Variants in LRRC27 observed in about 807,000 individuals in gnomAD.
LRRC27 encodes leucine-rich repeat-containing protein 27.
A neutral mutation model predicts 55.0 loss-of-function variants in LRRC27; 57 were observed. That is an observed-to-expected ratio of 1.04 (90% CI 0.84 to 1.29). The LOEUF is 1.29. LRRC27 is among the 50% of genes most tolerant of loss of function. The pLI, the probability that LRRC27 is intolerant of heterozygous loss-of-function variation, is 0.00. For missense variants in LRRC27, 721 were observed against 651.5 expected, an observed-to-expected ratio of 1.11 and a Z score of -1.16; for synonymous variants, 278 against 251.9, an observed-to-expected ratio of 1.10 and a Z score of -0.98.
At chr10:132,359,529 CGGGCTGGGCT>C (rs779783260) in intron 8 of LRRC27, among the ~76,000 whole-genome samples, 1 of 152,122 alleles carries the variant, frequency 6.6e-6, no homozygotes, top group Non-Finnish European at 1.5e-5. Context: ...GTGGCACCCA[CGGGCTGGGCT>C]GGGCTGGGCG....
intron 8 of LRRC27, among the ~76,000 whole-genome samples, chr10:132,359,614 G>A (rs2068514946): frequency 6.6e-6 from 1 of 152,260 alleles, no homozygotes; most frequent in South Asian, 2.1e-4. Context: ...AGCCCTGCAT[G>A]TGCTTCTGCT....
chr10:132,353,355 C>A (rs1432547192), intron 7 of LRRC27: 3 of 1,081,700 alleles, frequency 2.8e-6, no homozygotes, highest in Non-Finnish European at 3.4e-6. Flanking sequence ...CCCTGTGGCT[C>A]ACCTGCTCCC....
At chr10:132,336,697 C>A in intron 2 of LRRC27, 3 of 707,682 alleles carry the variant, frequency 4.2e-6, no homozygotes, top group South Asian at 3.1e-5. Flanking sequence ...GGAACTTGCT[C>A]AAGGTCACAC....
In LRRC27 at chr10:132,361,543, A is replaced by G. The variant is rs2068615116; in HGVS notation, c.1257A>G (p.Lys419=). ...LNPPGKMKPS[K]EKSPQASKEM... is the part of the protein sequence containing the mutation. ...CGCCTGGAAAAATGAAACCAAGCAA[A>G]GAGAAATCGCCACAAGCAAGTAAAG... is the stretch of plus-strand genomic sequence containing the variant. Residue 419 remains lysine (K), a synonymous_variant, in exon 9 of 11, where the codon AAA becomes AAG. Transcript: ENST00000368614. 6.2e-7 allele frequency: 1 copy of G among 1,613,860 alleles called. No homozygotes were observed. The highest frequency in any genetic ancestry group is 8.5e-7 in the Non-Finnish European group (1 of 1,179,914).
intron 2 of LRRC27, among the ~76,000 whole-genome samples, chr10:132,334,867 T>G (rs2067038220): frequency 6.6e-6 from 1 of 152,234 alleles, no homozygotes; most frequent in South Asian, 2.1e-4. Flanking sequence ...ATGAAGAAAC[T>G]TGATAACTGT....
intron 7 of LRRC27, chr10:132,353,295 C>T: frequency 1.7e-6 from 2 of 1,180,096 alleles, no homozygotes; most frequent in South Asian, 2.0e-5. Context: ...CTGGTCTGTC[C>T]TGTGGGCGGC....
chr10:132,331,873 GCAGGCGC>G, upstream of LRRC27: 1 of 1,257,982 alleles, frequency 7.9e-7, no homozygotes, highest in East Asian at 2.5e-5. Flanking sequence ...GCGTGCGTGC[GCAGGCGC>G]ACCACCCCCT....
At chr10:132,340,820 A>G (rs1168283225) in intron 3 of LRRC27, among the ~76,000 whole-genome samples, 2 of 151,570 alleles carry the variant, frequency 1.3e-5, no homozygotes, top group Non-Finnish European at 2.9e-5. Flanking sequence ...AAAGTACAAA[A>G]AAATTAGCCA....
At position 132,375,293 on chromosome 10, in the gene LRRC27, C is replaced by A; in HGVS notation, c.*51C>A. 1.3e-6 allele frequency: 2 copies of A among 1,545,978 alleles called. No homozygotes were observed. The highest frequency in any genetic ancestry group is 2.4e-5 in the South Asian group (2 of 84,028). The stretch of plus-strand genomic sequence containing the variant: ...CGTCTTCAGACAGGAGCCGCTCAGT[C>A]TTCTTTCCCGGGCGTCGCCTCCTGT... On this transcript the variant is annotated 3_prime_UTR_variant, in exon 11 of 11. Coordinates refer to ENST00000368614, the MANE Select transcript of LRRC27 (RefSeq NM_030626.3).
At chr10:132,341,670 C>T (rs959683949) in intron 3 of LRRC27, among the ~76,000 whole-genome samples, 9 of 152,118 alleles carry the variant, frequency 5.9e-5, no homozygotes, top group African/African-American at 2.2e-4. Context: ...AATCATTCAT[C>T]TCCAAGCAGG....
At chr10:132,331,380 C>T (rs1447546488), upstream of LRRC27, 11 of 1,538,216 alleles carry the variant, frequency 7.2e-6, no homozygotes, top group Admixed American at 2.0e-4. Context: ...TCCCCTCCCG[C>T]CCGGTGTCAT....
At chr10:132,345,769 G>C (rs1359212255) in intron 5 of LRRC27, among the ~76,000 whole-genome samples, 1 of 152,114 alleles carries the variant, frequency 6.6e-6, no homozygotes, top group African/African-American at 2.4e-5. Flanking sequence ...GGCACAGCCG[G>C]AGCCAGGACA....
intron 8 of LRRC27, among the ~76,000 whole-genome samples, chr10:132,358,537 T>C (rs1330312615): frequency 1.2e-4 from 3 of 25,244 alleles, no homozygotes; most frequent in Admixed American, 5.1e-4. Context: ...GGTGGAGCAG[T>C]GTGGGGAGGA....
rs2069291328 is a variant in LRRC27 at position 132,374,246 on chromosome 10, G to A, written c.1417-820G>A. Among the ~76,000 whole-genome samples the A allele has an allele frequency of 6.6e-6, 1 of 152,062 alleles. No individual in the cohort carries two copies. Among genetic ancestry groups the A allele is most frequent in the South Asian group, 2.1e-4 (1 of 4,810 alleles). On this transcript the variant is annotated intron_variant, in intron 10 of 10. Coordinates refer to ENST00000368614, the MANE Select transcript of LRRC27 (RefSeq NM_030626.3). This position sits in a 1 kb window ranked among gnomAD's most constrained non-coding sequence, Gnocchi z 4.4. Reference sequence around the variant, plus strand: ...TGCTGTGATTATGTCTGTATGGGGCGGGGAGGCTGCAGGGGTCTCCTGGGA... The same window carrying A: ...TGCTGTGATTATGTCTGTATGGGGCAGGGAGGCTGCAGGGGTCTCCTGGGA...
In LRRC27 at chr10:132,348,428, A is replaced by T; in HGVS notation, c.926+72A>T. 1 of 1,545,492 alleles carries T rather than the reference A, an allele frequency of 6.5e-7. No individual in the cohort carries two copies. On this transcript the variant is annotated intron_variant, in intron 6 of 10. Transcript: ENST00000368614. This position sits in a 1 kb window ranked among gnomAD's most constrained non-coding sequence, Gnocchi z 4.2. ...ATACAGTTATTTTAAATTATCTTTG[A>T]AAACATCAGGTCCAGCTTTTAAAGT...
rs921287180 is a variant in LRRC27 at position 132,374,908 on chromosome 10, C to T, written c.1417-158C>T. On this transcript the variant is annotated intron_variant, in intron 10 of 10. Coordinates refer to ENST00000368614, the MANE Select transcript of LRRC27 (RefSeq NM_030626.3). The surrounding 1 kb of genome is among the most constrained non-coding windows in gnomAD (Gnocchi z 4.4). Reference sequence around the variant, plus strand: ...TGCTGGGCCCCATTGCAGGGGGGACCGCGCCGTGATGCGGCTTGCAGGGGC... The same window carrying T: ...TGCTGGGCCCCATTGCAGGGGGGACTGCGCCGTGATGCGGCTTGCAGGGGC... Among the ~76,000 whole-genome samples the T allele has an allele frequency of 2.0e-5, 3 of 152,284 alleles. No individual in the cohort carries two copies. The highest frequency in any genetic ancestry group is 7.2e-5 in the African/African-American group (3 of 41,560).
Position 132,374,265 on chromosome 10 carries a change from C to T in LRRC27, c.1417-801C>T, listed in dbSNP as rs544072386. 6.6e-6 allele frequency among the ~76,000 whole-genome samples: 1 copy of T among 152,074 alleles called. No individual in the cohort carries two copies. Among genetic ancestry groups the T allele is most frequent in the East Asian group, 1.9e-4 (1 of 5,200 alleles). ...TGGGGCGGGGAGGCTGCAGGGGTCTCCTGGGACCTGCACTGGAGGTAGTGT... is the reference window on the plus strand; with the variant it reads ...TGGGGCGGGGAGGCTGCAGGGGTCTTCTGGGACCTGCACTGGAGGTAGTGT... On this transcript the variant is annotated intron_variant, in intron 10 of 10. Transcript: ENST00000368614. The surrounding 1 kb of genome is among the most constrained non-coding windows in gnomAD (Gnocchi z 4.4).
At chr10:132,337,414 T>C in intron 2 of LRRC27, 151 bp from the exon 3 acceptor site, 1 of 1,424,110 alleles carries the variant, frequency 7.0e-7, no homozygotes, top group Non-Finnish European at 9.1e-7. Flanking sequence ...TGTTTACATC[T>C]TTTAAGGGTA....
chr10:132,335,575 T>TG (rs548574139), intron 2 of LRRC27, among the ~76,000 whole-genome samples: 11,727 of 141,442 alleles, frequency 0.083, 699 homozygotes, highest in African/African-American at 0.14. Context: ...CTGAGTACTA[T>TG]GGGGGGGGTC....
Sources: gnomAD v4.1 joint callset for allele counts (sites outside exome capture counted in the v4.1 genomes callset) on GRCh38, gnomAD v4.1.1 for gene constraint, Gnocchi (gnomAD v3.1) non-coding constraint, MANE v1.5 for transcripts, NCBI Gene and HGNC (gene_info 2026-07-23, HGNC 2026-07-21) for gene names.